AK8: variants seen among roughly 807,000 people sequenced by gnomAD.
AK8 encodes the protein ATP-AMP transphosphorylase 8.
A neutral mutation model predicts 54.6 loss-of-function variants in AK8; 44 were observed. The observed-to-expected ratio is 0.81, with a 90% CI of 0.63 to 1.04. AK8 has a LOEUF of 1.04. Among genes scored for constraint, AK8 ranks in the 50% least tolerant of loss-of-function variants. AK8 has a pLI of 0.00. For missense variants in AK8, 555 were observed against 613.6 expected (o/e 0.90, Z 1.01); for synonymous variants, 239 against 245.6 (o/e 0.97, Z 0.25).
At chr9:132,818,820 C>T (rs1841449004) in intron 9 of AK8, among the ~76,000 whole-genome samples, 1 of 151,486 alleles carries the variant, frequency 6.6e-6, no homozygotes, top group South Asian at 2.1e-4. Flanking sequence ...TGTACTCCAG[C>T]CAGGGCAACA....
intron 11 of AK8, among the ~76,000 whole-genome samples, chr9:132,742,277 C>T (rs775927112): frequency 1.3e-5 from 2 of 151,424 alleles, no homozygotes; most frequent in Admixed American, 1.3e-4. Flanking sequence ...CGGGCTCAAG[C>T]GATCCTCCCA....
In AK8 at chr9:132,791,108, T is replaced by C. The variant is rs574199890; in HGVS notation, c.1121+1526A>G. Among the ~76,000 whole-genome samples, 97 of 152,266 alleles carry C rather than the reference T, an allele frequency of 6.4e-4. No homozygotes were observed. The highest frequency in any genetic ancestry group is 2.3e-3 in the African/African-American group (95 of 41,524). The stretch of plus-strand genomic sequence containing the variant: ...CAACTACTTGAGACTGGGTAATTTA[T>C]AAAGGAAAGAGGTTTAATTGATTCA... On this transcript the variant is annotated intron_variant, in intron 11 of 12. Transcript: ENST00000298545. The surrounding 1 kb of genome is among the most constrained non-coding windows in gnomAD (Gnocchi z 4.0).
intron 5 of AK8, among the ~76,000 whole-genome samples, chr9:132,848,115 C>CAAAAAAAAAAAAA (rs796764891): frequency 4.8e-4 from 25 of 52,542 alleles, no homozygotes; most frequent in Admixed American, 1.1e-3. Flanking sequence ...CACCCTGTTT[C>CAAAAAAAAAAAAA]AAAAAAAAAA....
intron 9 of AK8, among the ~76,000 whole-genome samples, chr9:132,818,574 G>C (rs375745170): frequency 6.6e-6 from 1 of 152,128 alleles, no homozygotes; most frequent in African/African-American, 2.4e-5. Context: ...AAAGCAAAGA[G>C]ATATGGCTAA....
At chr9:132,851,587 A>G (rs1842974792) in intron 5 of AK8, among the ~76,000 whole-genome samples, 1 of 152,220 alleles carries the variant, frequency 6.6e-6, no homozygotes, top group South Asian at 2.1e-4. Context: ...CCTAAACGGC[A>G]TTTCAGAGAC....
At chr9:132,726,378 G>A (rs952431089) in intron 12 of AK8, among the ~76,000 whole-genome samples, 1 of 151,176 alleles carries the variant, frequency 6.6e-6, no homozygotes, top group African/African-American at 2.4e-5. Flanking sequence ...GCAGTGGCGC[G>A]ATCTTCGCTC....
rs1444650282 is a variant in AK8 at position 132,856,127 on chromosome 9, T to C, written c.334-1202A>G. 2.6e-5 allele frequency among the ~76,000 whole-genome samples: 4 copies of C among 152,190 alleles called. No homozygotes were observed. The East Asian group carries it at 5.8e-4, about 22-fold the overall frequency. On this transcript the variant is annotated intron_variant, in intron 4 of 12. Coordinates refer to ENST00000298545, the MANE Select transcript of AK8 (RefSeq NM_152572.3). ...GAGGCCTGGCCTGTGCCTTTCCTTG[T>C]AGTGCACAACAGGGGCTAAAAATCT...
intron 2 of AK8, among the ~76,000 whole-genome samples, chr9:132,873,060 A>G (rs555088030): frequency 9.9e-5 from 15 of 151,996 alleles, no homozygotes; most frequent in Admixed American, 3.3e-4. Flanking sequence ...TGATCCGCCC[A>G]CCTCGGCCTC....
At chr9:132,743,178 G>C (rs1289886596) in intron 11 of AK8, among the ~76,000 whole-genome samples, 2 of 152,206 alleles carry the variant, frequency 1.3e-5, no homozygotes, top group African/African-American at 2.4e-5. Context: ...GAAGAGATTC[G>C]AGGCAGGAAA....
Position 132,863,748 on chromosome 9 carries a change from T to C in AK8, c.250A>G (p.Ser84Gly). 6.2e-7 allele frequency: 1 copy of C among 1,614,130 alleles called. No individual in the cohort carries two copies. Among genetic ancestry groups the C allele is most frequent in the Non-Finnish European group, 8.5e-7 (1 of 1,179,982 alleles). ...ATCAGGTTCTCCAGGGTGAGGAGACTGCTGTTCAGATGTTTGCAGAGCCAC... is the reference window on the plus strand; with the variant it reads ...ATCAGGTTCTCCAGGGTGAGGAGACCGCTGTTCAGATGTTTGCAGAGCCAC... ...AMWLCKHLNS[S>G]LLTLENLILN... Residue 84 changes from serine (S) to glycine (G), a missense_variant, in exon 4 of 13, where the codon AGT becomes GGT. Physicochemically the swap from Ser to Gly is moderately conservative, Grantham distance 56 (BLOSUM62 0). Transcript: ENST00000298545.
intron 11 of AK8, among the ~76,000 whole-genome samples, chr9:132,754,465 G>A (rs1233738643): frequency 6.6e-6 from 1 of 152,200 alleles, no homozygotes; most frequent in East Asian, 1.9e-4. Context: ...TGGAAGATCA[G>A]TAAGCATGCA....
intron 11 of AK8, among the ~76,000 whole-genome samples, chr9:132,787,524 G>A (rs1329716033): frequency 2.0e-5 from 3 of 152,132 alleles, no homozygotes; most frequent in Admixed American, 2.0e-4. Context: ...CAAGTATGAA[G>A]ATAGAATAGA....
At chr9:132,812,563 C>CCCT (rs1564415180) in intron 10 of AK8, among the ~76,000 whole-genome samples, 2 of 150,860 alleles carry the variant, frequency 1.3e-5, no homozygotes, top group Non-Finnish European at 3.0e-5. Context: ...CCGCCGCGCC[C>CCCT]GGCCGCTAGG....
chr9:132,794,875 G>T (rs1001707370), intron 10 of AK8, among the ~76,000 whole-genome samples: 3 of 152,140 alleles, frequency 2.0e-5, no homozygotes, highest in Non-Finnish European at 2.9e-5. Context: ...CTCTCTGAGC[G>T]TCAGCTTCCT....
At position 132,762,118 on chromosome 9, in the gene AK8, C is replaced by T. The variant is rs192728765; in HGVS notation, c.1121+30516G>A. 2.6e-5 allele frequency among the ~76,000 whole-genome samples: 4 copies of T among 152,336 alleles called. No individual in the cohort carries two copies. In the East Asian group the frequency reaches 7.7e-4, roughly 29 times the overall value. On this transcript the variant is annotated intron_variant, in intron 11 of 12. Transcript: ENST00000298545. ...CTCCTGGCCATAAGTGATCTGCCCA[C>T]CTTGGCCTCCCAAAGTGCTAGGATT...
intron 9 of AK8, among the ~76,000 whole-genome samples, chr9:132,815,624 G>A (rs963884260): frequency 5.3e-5 from 8 of 152,182 alleles, no homozygotes; most frequent in Middle Eastern, 6.9e-3. Flanking sequence ...CGGCTGCCCC[G>A]CTCTGGACAC....
At chr9:132,757,891 A>G (rs2131041012) in intron 11 of AK8, among the ~76,000 whole-genome samples, 1 of 152,370 alleles carries the variant, frequency 6.6e-6, no homozygotes, top group South Asian at 2.1e-4. Context: ...CTTAAGTTTC[A>G]TGATGATAAA....
chr9:132,812,516 G>GGGGTGAGCTACCGTGCCCACTGGGATGAC (rs746708974), intron 10 of AK8, among the ~76,000 whole-genome samples: 2 of 4,982 alleles, frequency 4.0e-4, no homozygotes, highest in Non-Finnish European at 9.0e-4. Context: ...TGGGATGACA[G>GGGGTGAGCTACCGTGCCCACTGGGATGAC]GGGTGAGCTA....
At chr9:132,771,003 G>C (rs958087981) in intron 11 of AK8, among the ~76,000 whole-genome samples, 2 of 152,316 alleles carry the variant, frequency 1.3e-5, no homozygotes, top group Admixed American at 6.5e-5. Flanking sequence ...GAGGCCTCTG[G>C]GAAGCCAGCA....
Sources: allele counts gnomAD v4.1 joint callset (sites outside exome capture counted in the v4.1 genomes callset), GRCh38; gene constraint gnomAD v4.1.1; non-coding constraint Gnocchi (gnomAD v3.1); transcripts MANE v1.5; gene names NCBI Gene and HGNC (gene_info 2026-07-23, HGNC 2026-07-21).